Variants in EDARADD observed in about 807,000 individuals in gnomAD.
EDARADD encodes ectodysplasin-A receptor-associated adapter protein.
A neutral mutation model predicts 25.6 loss-of-function variants in EDARADD; 20 were observed. The ratio of observed to expected loss-of-function variants is 0.78; its 90% CI spans 0.55 to 1.14. The LOEUF (loss-of-function observed/expected upper bound fraction) is 1.14. Among genes scored for constraint, EDARADD ranks in the 50% most tolerant of loss-of-function variants. The pLI is 0.00. For missense variants in EDARADD, 225 were observed against 270.1 expected, an observed-to-expected ratio of 0.83 and a Z score of 1.17; for synonymous variants, 86 against 94.4, an observed-to-expected ratio of 0.91 and a Z score of 0.52.
chr1:236,375,699 C>A (rs1455622620), intron 3 of EDARADD, among the ~76,000 whole-genome samples: 1 of 147,976 alleles, frequency 6.8e-6, no homozygotes, highest in Middle Eastern at 3.3e-3. Context: ...CCAGCCTGGG[C>A]AACATTGCAA....
In EDARADD at chr1:236,395,054, A is replaced by G. The variant is rs1387874120; in HGVS notation, c.61+549A>G. Among the ~76,000 whole-genome samples the G allele has an allele frequency of 1.3e-5, 2 of 152,254 alleles. No homozygotes were observed. Among genetic ancestry groups the G allele is most frequent in the Non-Finnish European group, 2.9e-5 (2 of 68,040 alleles). On this transcript the variant is annotated intron_variant, in intron 1 of 5. Transcript: ENST00000334232. This position sits in a 1 kb window ranked among gnomAD's most constrained non-coding sequence, Gnocchi z 6.9. ...CAGCGGCAGAGCCTGCTTAAAGATC[A>G]GGAAATTTGTCTAAATATCAGATCG...
chr1:236,461,989 C>T (rs986685950), intron 4 of EDARADD, among the ~76,000 whole-genome samples: 4 of 152,150 alleles, frequency 2.6e-5, no homozygotes, highest in African/African-American at 9.7e-5. Context: ...CTTTTAATAA[C>T]AATTCATGAA....
At chr1:236,450,611 C>T (rs1658686016) in intron 4 of EDARADD, among the ~76,000 whole-genome samples, 1 of 123,868 alleles carries the variant, frequency 8.1e-6, no homozygotes, top group South Asian at 2.8e-4. Context: ...TGCAGTGGTG[C>T]AGTCTCAGCT....
At chr1:236,415,497 G>A (rs915419216) in intron 3 of EDARADD, among the ~76,000 whole-genome samples, 4 of 152,128 alleles carry the variant, frequency 2.6e-5, no homozygotes, top group African/African-American at 9.7e-5. Context: ...CCAAGCTGGA[G>A]TGCAATGGCT....
chr1:236,405,730 T>G (rs1340037416), intron 1 of EDARADD, among the ~76,000 whole-genome samples: 1 of 20,824 alleles, frequency 4.8e-5, no homozygotes, highest in East Asian at 6.8e-4. Context: ...TTTCTTTTTC[T>G]TTCTTTCTTT....
chr1:236,353,372 A>G (rs764281634), intron 3 of EDARADD, among the ~76,000 whole-genome samples: 11 of 152,134 alleles, frequency 7.2e-5, no homozygotes, highest in Non-Finnish European at 1.5e-4. Context: ...CTGCTTACAC[A>G]AGGAGATGTT....
chr1:236,416,971 G>C (rs1657654735), intron 3 of EDARADD, among the ~76,000 whole-genome samples: 1 of 152,104 alleles, frequency 6.6e-6, no homozygotes, highest in Non-Finnish European at 1.5e-5. Flanking sequence ...AAAATTAGCT[G>C]GGCGTGGTGA....
Position 236,483,068 on chromosome 1 carries a change from T to C in EDARADD, c.*419T>C. The C allele has an allele frequency of 1.2e-6, 1 of 822,638 alleles. No individual in the cohort carries two copies. 51.0% of individuals were successfully genotyped at this position (822,638 alleles called of 1,614,324 possible). On this transcript the variant is annotated 3_prime_UTR_variant, in exon 6 of 6. Transcript: ENST00000334232. ...CTCCTGATCAGTGCCATTCCCACGGTTTCAAAGAAAACAGCTACAAGGAAT... is the reference window on the plus strand; with the variant it reads ...CTCCTGATCAGTGCCATTCCCACGGCTTCAAAGAAAACAGCTACAAGGAAT...
intron 3 of EDARADD, among the ~76,000 whole-genome samples, chr1:236,363,006 A>AATATATAT (rs1184705463): frequency 4.9e-4 from 21 of 42,948 alleles, no homozygotes; most frequent in East Asian, 1.9e-3. Flanking sequence ...AAAAAAAAAA[A>AATATATAT]ATATATATAT....
chr1:236,356,016 A>G (rs1726674), intron 3 of EDARADD, among the ~76,000 whole-genome samples: 51,901 of 151,978 alleles, frequency 0.34, 9,115 homozygotes, highest in African/African-American at 0.42. Context: ...TATTTTATGC[A>G]GATAAAAAAC....
At chr1:236,380,017 G>T (rs967914141) in intron 3 of EDARADD, among the ~76,000 whole-genome samples, 1 of 152,162 alleles carries the variant, frequency 6.6e-6, no homozygotes, top group Admixed American at 6.6e-5. Flanking sequence ...CTGGTTTGAG[G>T]TTGCTGATGT....
intron 3 of EDARADD, among the ~76,000 whole-genome samples, chr1:236,415,103 C>T (rs576920513): frequency 5.3e-4 from 81 of 152,232 alleles, no homozygotes; most frequent in Non-Finnish European, 9.6e-4. Context: ...TCCACCAGCA[C>T]GGATAGCACA....
chr1:236,394,454 A>G lies in EDARADD; in HGVS notation c.10A>G (p.Arg4Gly), dbSNP rs1667476678. The change falls in exon 1 of 6, where the codon AGG (arginine) becomes GGG (glycine). Residue 4 changes from arginine to glycine, a missense_variant. By Grantham distance (125) the Arg-to-Gly change is moderately radical. Coordinates refer to ENST00000334232, the MANE Select transcript of EDARADD (RefSeq NM_145861.4). ...CAAACTCAACATCGCCATGGGCCTC[A>G]GGACGACTAAACAGATGGGGAGAGG... MGL[R>G]TTKQMGRGTK... The G allele has an allele frequency of 3.7e-6, 6 of 1,614,060 alleles. No individual in the cohort carries two copies. The highest frequency in any genetic ancestry group is 2.7e-5 in the African/African-American group (2 of 74,936).
At chr1:236,397,768 T>C (rs1667542504) in intron 1 of EDARADD, among the ~76,000 whole-genome samples, 1 of 152,184 alleles carries the variant, frequency 6.6e-6, no homozygotes, top group Non-Finnish European at 1.5e-5. Flanking sequence ...ATCTGAAAGA[T>C]GATCCAAATG....
chr1:236,414,235 TCTC>T, intron 2 of EDARADD, 22 bp from the exon 3 acceptor site: 1 of 1,596,882 alleles, frequency 6.3e-7, no homozygotes. Context: ...TAAAAATAAT[TCTC>T]CTCTTTTGTT....
chr1:236,452,121 A>G (rs1224684014), intron 4 of EDARADD, among the ~76,000 whole-genome samples: 4 of 152,188 alleles, frequency 2.6e-5, no homozygotes, highest in Non-Finnish European at 5.9e-5. Flanking sequence ...CCCACAGTCC[A>G]CAAGAATCCA....
intron 4 of EDARADD, among the ~76,000 whole-genome samples, chr1:236,441,983 T>C (rs1342782032): frequency 6.6e-6 from 1 of 152,164 alleles, no homozygotes; most frequent in Non-Finnish European, 1.5e-5. Flanking sequence ...TAAGTGCTGA[T>C]AGAGAAGCTG....
intron 5 of EDARADD, among the ~76,000 whole-genome samples, chr1:236,476,734 A>C (rs1659518973): frequency 6.6e-6 from 1 of 152,200 alleles, no homozygotes; most frequent in Non-Finnish European, 1.5e-5. Context: ...CATGTTGGTC[A>C]GGCTGGTCTT....
intron 3 of EDARADD, among the ~76,000 whole-genome samples, chr1:236,372,460 A>G (rs1667183738): frequency 6.6e-6 from 1 of 152,152 alleles, no homozygotes; most frequent in Non-Finnish European, 1.5e-5. Context: ...ACATTGTTGA[A>G]TTCAATTTGC....
Sources: allele counts gnomAD v4.1 joint callset (sites outside exome capture counted in the v4.1 genomes callset), GRCh38; gene constraint gnomAD v4.1.1; non-coding constraint Gnocchi (gnomAD v3.1); transcripts MANE v1.5; gene names NCBI Gene and HGNC (gene_info 2026-07-23, HGNC 2026-07-21).